WDR27: variants seen among roughly 807,000 people sequenced by gnomAD.
WDR27 encodes the protein WD repeat-containing protein 27.
Under a neutral mutation model 114.4 loss-of-function variants are expected in WDR27, and 100 were observed. The ratio of observed to expected loss-of-function variants is 0.87; its 90% CI spans 0.74 to 1.03. The LOEUF is 1.03. Ranked by LOEUF, WDR27 falls within the 50% of genes least tolerant of loss-of-function variation. The pLI is 0.00. For synonymous variants in WDR27, 449 were observed against 423.1 expected, an observed-to-expected ratio of 1.06 and a Z score of -0.75; for missense variants, 1,129 against 1,092.9, an observed-to-expected ratio of 1.03 and a Z score of -0.47.
intron 25 of WDR27, among the ~76,000 whole-genome samples, chr6:169,517,272 G>A (rs762157794): frequency 6.6e-6 from 1 of 152,156 alleles, no homozygotes; most frequent in African/African-American, 2.4e-5. Context: ...GGCCTCCCCA[G>A]AAGCTGAGCA....
chr6:169,629,125 T>C (rs200232901), intron 21 of WDR27, among the ~76,000 whole-genome samples: 2 of 152,180 alleles, frequency 1.3e-5, no homozygotes, highest in East Asian at 3.8e-4. Flanking sequence ...TAGCATCATA[T>C]CATTTTCCAA....
intron 13 of WDR27, 148 bp downstream of exon 13, chr6:169,658,126 CGA>C (rs1316154952): frequency 2.1e-5 from 14 of 653,644 alleles, no homozygotes; most frequent in African/African-American, 5.4e-5. Flanking sequence ...GGAACACGCA[CGA>C]GAGGCAGAGA....
intron 20 of WDR27, 48 bp downstream of exon 20, chr6:169,634,380 A>T (rs748171821): frequency 7.1e-7 from 1 of 1,411,042 alleles, no homozygotes. Flanking sequence ...TGCCAGAGGA[A>T]CAACACTCAG....
At chr6:169,505,568 C>T (rs1209321718) in intron 25 of WDR27, among the ~76,000 whole-genome samples, 2 of 141,474 alleles carry the variant, frequency 1.4e-5, no homozygotes, top group African/African-American at 4.9e-5. Flanking sequence ...AGACTGATAG[C>T]ATTCCTATAC....
intron 25 of WDR27, among the ~76,000 whole-genome samples, chr6:169,498,459 TACC>T (rs1194012636): frequency 6.6e-6 from 1 of 152,216 alleles, no homozygotes; most frequent in African/African-American, 2.4e-5. Flanking sequence ...ATGTGTATTT[TACC>T]ATAATAAAAA....
intron 23 of WDR27, among the ~76,000 whole-genome samples, chr6:169,598,639 A>G (rs75141960): frequency 0.019 from 2,834 of 152,296 alleles, 78 homozygotes; most frequent in Admixed American, 0.074. Flanking sequence ...AGATGTGCAG[A>G]GGAGGAAAGG....
At position 169,636,357 on chromosome 6, in the gene WDR27, CG is replaced by C; in HGVS notation, c.2003+13del. On this transcript the variant is annotated intron_variant, in intron 19 of 25. Coordinates refer to ENST00000448612, the MANE Select transcript of WDR27 (RefSeq NM_182552.5). ...TGTGATCTAAAAATAATGCACAGGGCGGGGGGTGCCTACCTCTTAATCTCAT... is the reference window on the plus strand; with the variant it reads ...TGTGATCTAAAAATAATGCACAGGGCGGGGGTGCCTACCTCTTAATCTCAT... The C allele has an allele frequency of 1.2e-6, 2 of 1,612,776 alleles. No homozygotes were observed. The highest frequency in any genetic ancestry group is 1.7e-6 in the Non-Finnish European group (2 of 1,179,456).
the WDR27 span, among the ~76,000 whole-genome samples, chr6:169,440,977 G>T: frequency 2.6e-5 from 4 of 151,376 alleles, no homozygotes; most frequent in East Asian, 1.9e-4. Flanking sequence ...TTGTTGCTGG[G>T]TTTTTTTTTC....
intron 8 of WDR27, among the ~76,000 whole-genome samples, chr6:169,662,724 C>T (rs1380034781): frequency 1.5e-5 from 2 of 130,886 alleles, no homozygotes; most frequent in African/African-American, 6.0e-5. Context: ...GACGCGTGTG[C>T]ACCGCGGAGT....
chr6:169,620,251 G>C (rs957488302), intron 21 of WDR27, among the ~76,000 whole-genome samples: 1 of 152,036 alleles, frequency 6.6e-6, no homozygotes, highest in African/African-American at 2.4e-5. Context: ...CTAAGCCAAG[G>C]GTAAAGTCAA....
chr6:169,519,344 C>T (rs548974392), intron 25 of WDR27, among the ~76,000 whole-genome samples: 1 of 152,260 alleles, frequency 6.6e-6, no homozygotes, highest in African/African-American at 2.4e-5. Context: ...ATACATGAGA[C>T]TTGGCAATTT....
chr6:169,670,772 G>T, intron 3 of WDR27, 79 bp from the exon 4 acceptor site: 1 of 1,530,492 alleles, frequency 6.5e-7, no homozygotes, highest in Non-Finnish European at 9.0e-7. Flanking sequence ...TACTGAGAAT[G>T]TAACCCTCTA....
At chr6:169,580,086 C>T (rs574891935) in intron 24 of WDR27, among the ~76,000 whole-genome samples, 1 of 152,356 alleles carries the variant, frequency 6.6e-6, no homozygotes, top group African/African-American at 2.4e-5. Flanking sequence ...AGGGGAAATG[C>T]TGTTGGTGTT....
intron 25 of WDR27, among the ~76,000 whole-genome samples, chr6:169,524,412 C>T (rs1250759194): frequency 6.6e-6 from 1 of 152,078 alleles, no homozygotes; most frequent in Non-Finnish European, 1.5e-5. Context: ...AAATTCTTCA[C>T]AGAAATAAGA....
intron 25 of WDR27, among the ~76,000 whole-genome samples, chr6:169,528,267 A>G (rs1388821347): frequency 6.6e-6 from 1 of 152,238 alleles, no homozygotes; most frequent in Non-Finnish European, 1.5e-5. Flanking sequence ...CTGAAAAAAG[A>G]GTATTTCAAT....
chr6:169,490,381 A>T (rs1209193717), intron 25 of WDR27, among the ~76,000 whole-genome samples: 1 of 152,228 alleles, frequency 6.6e-6, no homozygotes, highest in African/African-American at 2.4e-5. Context: ...TGTACATGAC[A>T]AACTATTCTT....
intron 13 of WDR27, among the ~76,000 whole-genome samples, chr6:169,654,692 G>GAA (rs1562828187): frequency 6.7e-6 from 1 of 148,474 alleles, no homozygotes; most frequent in African/African-American, 2.5e-5. Context: ...GAAGCCAGGC[G>GAA]AGCTGAGGAG....
intron 19 of WDR27, among the ~76,000 whole-genome samples, chr6:169,635,362 C>T (rs1015692343): frequency 3.3e-5 from 5 of 152,098 alleles, no homozygotes; most frequent in Non-Finnish European, 7.4e-5. Flanking sequence ...TCCAGCCTAG[C>T]GACAGAGTGA....
chr6:169,617,294 G>A (rs1200383373), intron 21 of WDR27, among the ~76,000 whole-genome samples: 4 of 152,178 alleles, frequency 2.6e-5, no homozygotes, highest in African/African-American at 7.2e-5. Context: ...TTGAGGAGGC[G>A]GTGCCTGATG....
Sources: allele counts gnomAD v4.1 joint callset (sites outside exome capture counted in the v4.1 genomes callset), GRCh38; gene constraint gnomAD v4.1.1; transcripts MANE v1.5; gene names NCBI Gene and HGNC (gene_info 2026-07-23, HGNC 2026-07-21).